The following KDM5B variants were observed in gnomAD, a reference collection of about 807,000 sequenced individuals.
The protein encoded by KDM5B is lysine demethylase 5B.
In KDM5B, 144 loss-of-function variants were observed where a neutral mutation model predicts 193.4. The ratio of observed to expected loss-of-function variants is 0.74; its 90% CI spans 0.65 to 0.86. The LOEUF is 0.86. KDM5B is among the 40% of genes least tolerant of loss of function. The probability of loss-of-function intolerance (pLI) is 0.00; values close to 1 mark genes in which losing one functional copy is unlikely to be tolerated. For missense variants in KDM5B, 1,833 were observed against 1,886.9 expected (o/e 0.97, Z 0.53); for synonymous variants, 668 against 682.6 (o/e 0.98, Z 0.33).
chr1:202,724,830 G>C lies in KDM5B; in HGVS notation c.*4206C>G, dbSNP rs149427891. On this transcript the variant is annotated 3_prime_UTR_variant, in exon 27 of 27. Coordinates refer to ENST00000367265, the MANE Select transcript of KDM5B (RefSeq NM_006618.5). ...CAGAAAGGAAGCATGGTTTGAAACC[G>C]CACTCTTCTCCAACTTCTAGCTAGG... 1.1e-4 allele frequency: 17 copies of C among 152,166 alleles called. No homozygotes were observed. Among genetic ancestry groups the C allele is most frequent in the African/African-American group, 4.1e-4 (17 of 41,444 alleles). 9.4% of individuals were successfully genotyped at this position (152,166 alleles called of 1,614,324 possible).
At chr1:202,766,603 C>G in intron 5 of KDM5B, 1 of 435,918 alleles carries the variant, frequency 2.3e-6, no homozygotes. Context: ...TAGCCTTAAT[C>G]TCCATTAAAC....
At chr1:202,785,965 C>G (rs2102320738) in intron 1 of KDM5B, among the ~76,000 whole-genome samples, 1 of 150,156 alleles carries the variant, frequency 6.7e-6, no homozygotes, top group Non-Finnish European at 1.5e-5. Context: ...TGTTGCAAAG[C>G]TTTCGTTTCC....
At chr1:202,760,213 G>T (rs77911786) in intron 8 of KDM5B, among the ~76,000 whole-genome samples, 3 of 147,942 alleles carry the variant, frequency 2.0e-5, no homozygotes, top group Non-Finnish European at 4.5e-5. Context: ...ACGTGGGGGG[G>T]GCTGAGGTGG....
chr1:202,766,805 T>G (rs982420442), intron 5 of KDM5B, 121 bp downstream of exon 5: 27 of 1,111,402 alleles, frequency 2.4e-5, no homozygotes, highest in Non-Finnish European at 3.3e-5. Context: ...CAGCATCCCT[T>G]TGTGAGATTA....
At chr1:202,780,338 C>T (rs1023279628) in intron 1 of KDM5B, among the ~76,000 whole-genome samples, 1 of 152,036 alleles carries the variant, frequency 6.6e-6, no homozygotes, top group Non-Finnish European at 1.5e-5. Context: ...AGGCATGTAC[C>T]ACCACCATGC....
At chr1:202,773,323 G>C (rs1656799112) in intron 3 of KDM5B, 35 bp from the exon 4 acceptor site, 1 of 1,583,304 alleles carries the variant, frequency 6.3e-7, no homozygotes, top group Non-Finnish European at 8.7e-7. Context: ...CAACTATATG[G>C]AAGTCACTTC....
At position 202,749,122 on chromosome 1, in the gene KDM5B, C is replaced by T; in HGVS notation, c.1839G>A (p.Gln613=). The change falls in exon 14 of 27, where the codon CAG becomes CAA. Residue 613 remains glutamine (Q), a synonymous_variant. Transcript: ENST00000367265. ...CTVDWLPLGR[Q]CVEHYRLLHR... is the part of the protein sequence containing the mutation. Reference sequence around the variant, plus strand: ...GAAGCAAGCGATAATGCTCCACACACTGTCGGCCTAATGGCAGCTGTATCA... The same window carrying T: ...GAAGCAAGCGATAATGCTCCACACATTGTCGGCCTAATGGCAGCTGTATCA... 6.2e-7 allele frequency: 1 copy of T among 1,606,054 alleles called. No individual in the cohort carries two copies. The highest frequency in any genetic ancestry group is 1.7e-5 in the Admixed American group (1 of 57,500).
intron 21 of KDM5B, among the ~76,000 whole-genome samples, chr1:202,735,959 G>A (rs533915793): frequency 1.3e-5 from 2 of 152,332 alleles, no homozygotes; most frequent in South Asian, 2.1e-4. Flanking sequence ...AAGTTTAAGA[G>A]TCCAATTTCA....
chr1:202,760,099 G>A (rs1168128676), intron 8 of KDM5B, among the ~76,000 whole-genome samples: 2 of 152,080 alleles, frequency 1.3e-5, no homozygotes, highest in East Asian at 3.9e-4. Flanking sequence ...GACTATTTGA[G>A]CTTAGGAGTT....
intron 25 of KDM5B, 93 bp from the exon 26 acceptor site, chr1:202,730,120 G>T (rs1477162629): frequency 1.8e-6 from 2 of 1,103,488 alleles, no homozygotes; most frequent in African/African-American, 3.2e-5. Flanking sequence ...TTAGAAATCA[G>T]ATGATCCCCC....
intron 1 of KDM5B, among the ~76,000 whole-genome samples, chr1:202,790,789 C>G (rs1447925778): frequency 6.6e-6 from 1 of 151,790 alleles, no homozygotes; most frequent in East Asian, 1.9e-4. Flanking sequence ...CACCCTAGGC[C>G]CCTTTTGCCC....
intron 16 of KDM5B, among the ~76,000 whole-genome samples, chr1:202,745,608 A>G (rs1160991023): frequency 1.3e-5 from 2 of 152,168 alleles, no homozygotes; most frequent in African/African-American, 4.8e-5. Flanking sequence ...TCCTAACAAT[A>G]TCGTTTTTGT....
intron 4 of KDM5B, among the ~76,000 whole-genome samples, chr1:202,768,660 A>T (rs973886299): frequency 6.6e-6 from 1 of 151,860 alleles, no homozygotes; most frequent in African/African-American, 2.4e-5. Flanking sequence ...AATATTAAAC[A>T]TTCTGCTCAT....
intron 20 of KDM5B, among the ~76,000 whole-genome samples, chr1:202,739,711 C>A (rs543002554): frequency 6.6e-6 from 1 of 152,170 alleles, no homozygotes; most frequent in Non-Finnish European, 1.5e-5. Context: ...ATCTGTTAAA[C>A]AAAGCACATC....
intron 5 of KDM5B, among the ~76,000 whole-genome samples, chr1:202,765,130 T>C (rs7553366): frequency 0.67 from 102,223 of 152,134 alleles, 36,965 homozygotes; most frequent in Admixed American, 0.82. Flanking sequence ...ATAACTCCAT[T>C]AGCCTCTAAG....
intron 1 of KDM5B, chr1:202,806,830 G>A (rs188961547): frequency 1.3e-5 from 2 of 152,322 alleles, no homozygotes; most frequent in African/African-American, 4.8e-5. Flanking sequence ...GGTGGGGGAA[G>A]AGAGTGGGGA....
rs1183284008 is a variant in KDM5B, at chr1:202,727,298, A to G, written c.*1738T>C. The G allele has an allele frequency of 6.6e-6, 1 of 152,242 alleles. No individual in the cohort carries two copies. The highest frequency in any genetic ancestry group is 1.9e-4 in the East Asian group (1 of 5,198). 9.4% of individuals were successfully genotyped at this position (152,242 alleles called of 1,614,324 possible). On this transcript the variant is annotated 3_prime_UTR_variant, in exon 27 of 27. Transcript: ENST00000367265. ...ATACTAACAAGGCCAAACCACGATG[A>G]TTCCAAATTGTACTCTGGAGACTAT...
In KDM5B at chr1:202,725,930, C is replaced by G. The variant is rs1220815694; in HGVS notation, c.*3106G>C. The stretch of plus-strand genomic sequence containing the variant: ...AATACCAATCAATACCTGCTCCAAG[C>G]CAGAAGCAGGTCTTAACAGACTGCC... On this transcript the variant is annotated 3_prime_UTR_variant, in exon 27 of 27. Coordinates refer to ENST00000367265, the MANE Select transcript of KDM5B (RefSeq NM_006618.5). 1 of 152,168 alleles carries G rather than the reference C, an allele frequency of 6.6e-6. No individual in the cohort carries two copies. Among genetic ancestry groups the G allele is most frequent in the Non-Finnish European group, 1.5e-5 (1 of 68,038 alleles). 9.4% of individuals were successfully genotyped at this position (152,168 alleles called of 1,614,324 possible). A position where few individuals can be genotyped will look rare whatever the true frequency, so the allele number is the denominator to read the frequency against.
In KDM5B at chr1:202,742,767, T is replaced by C. The variant is rs953280014; in HGVS notation, c.2362A>G (p.Met788Val). ...SFKALIEESEMKKFPDNDLLR... is the reference protein window; with the variant it reads ...SFKALIEESEVKKFPDNDLLR... ...AGATCATTGTCTGGGAATTTCTTCA[T>C]TTCAGATTCTTCAATTAAAGCCTTG... Residue 788 changes from methionine (M) to valine (V), a missense_variant, in exon 17 of 27, where the codon ATG (methionine) becomes GTG (valine). By Grantham distance (21) the Met-to-Val change is conservative (BLOSUM62 1). Around this residue, in one of 3 missense-constraint regions of KDM5B, gnomAD observed 1,379 missense variants for 1,349.6 expected, o/e 1.02. Transcript: ENST00000367265. 13 of 1,614,070 alleles carry C rather than the reference T, an allele frequency of 8.1e-6. No homozygotes were observed. The African/African-American group carries it at 1.5e-4, about 18-fold the overall frequency.
Sources: gnomAD v4.1 joint callset for allele counts (sites outside exome capture counted in the v4.1 genomes callset) on GRCh38, gnomAD v4.1.1 for gene constraint, gnomAD v4.1.1 regional missense constraint, MANE v1.5 for transcripts, NCBI Gene and HGNC (gene_info 2026-07-23, HGNC 2026-07-21) for gene names.